Variants in GSK3B observed in about 807,000 individuals in gnomAD.
GSK3B encodes glycogen synthase kinase 3 beta.
Under a neutral mutation model 56.4 loss-of-function variants are expected in GSK3B, and 15 were observed. The ratio of observed to expected loss-of-function variants is 0.27; its 90% CI spans 0.18 to 0.41. GSK3B has a LOEUF of 0.41. Among genes scored for constraint, GSK3B ranks in the 10% least tolerant of loss-of-function variants. The pLI is 1.00. For missense variants in GSK3B, 300 were observed against 513.4 expected, an observed-to-expected ratio of 0.58 and a Z score of 4.02; for synonymous variants, 181 against 188.9, an observed-to-expected ratio of 0.96 and a Z score of 0.34.
chr3:119,883,098 G>A (rs1201312781), intron 7 of GSK3B, among the ~76,000 whole-genome samples: 2 of 152,118 alleles, frequency 1.3e-5, no homozygotes, highest in Non-Finnish European at 2.9e-5. Context: ...CTATTACATG[G>A]GAAACAGAGA....
At chr3:120,005,681 T>C (rs893085585) in intron 1 of GSK3B, among the ~76,000 whole-genome samples, 5 of 152,144 alleles carry the variant, frequency 3.3e-5, no homozygotes, top group Non-Finnish European at 7.3e-5. Flanking sequence ...AAACTAAGCT[T>C]CATAAGTGAA....
chr3:119,945,289 G>A (rs965415240), intron 3 of GSK3B, among the ~76,000 whole-genome samples: 1 of 152,012 alleles, frequency 6.6e-6, no homozygotes, highest in Admixed American at 6.6e-5. Flanking sequence ...CCAAAATTAG[G>A]AGGTATCTTT....
rs2055509431 is a variant in GSK3B at position 119,826,542 on chromosome 3, TC to T, written c.*245del. On this transcript the variant is annotated 3_prime_UTR_variant, in exon 11 of 11. Transcript: ENST00000264235. ...GATTGTATGTTCTAGTGCTCCGCTTTCCCCCTCCCCACAACCCCTCCCACCC... is the reference window on the plus strand; with the variant it reads ...GATTGTATGTTCTAGTGCTCCGCTTTCCCCTCCCCACAACCCCTCCCACCC... 3.3e-6 allele frequency: 2 copies of T among 601,398 alleles called. No individual in the cohort carries two copies. The highest frequency in any genetic ancestry group is 2.4e-5 in the Admixed American group (1 of 41,462). 37.3% of individuals were successfully genotyped at this position (601,398 alleles called of 1,614,324 possible).
intron 7 of GSK3B, among the ~76,000 whole-genome samples, chr3:119,885,105 C>T (rs2056421129): frequency 1.3e-5 from 2 of 151,896 alleles, no homozygotes; most frequent in African/African-American, 4.8e-5. Context: ...ACAAAGGTTC[C>T]TGCCAAAAGG....
intron 1 of GSK3B, among the ~76,000 whole-genome samples, chr3:120,027,526 CA>C (rs2057938649): frequency 6.6e-6 from 1 of 151,936 alleles, no homozygotes; most frequent in African/African-American, 2.4e-5. Context: ...CATTATTTAC[CA>C]TATCAATAAA....
chr3:119,912,532 A>G (rs2056744969), intron 6 of GSK3B, among the ~76,000 whole-genome samples, 172 bp downstream of exon 6: 1 of 152,090 alleles, frequency 6.6e-6, no homozygotes, highest in South Asian at 2.1e-4. Flanking sequence ...CCTGGAAAGT[A>G]TAATAAAATG....
intron 3 of GSK3B, among the ~76,000 whole-genome samples, chr3:119,931,789 T>G (rs915585557): frequency 6.6e-6 from 1 of 152,122 alleles, no homozygotes; most frequent in Non-Finnish European, 1.5e-5. Flanking sequence ...CAGAAGTCCT[T>G]TGAAAGGAAT....
intron 1 of GSK3B, among the ~76,000 whole-genome samples, chr3:120,080,121 T>C (rs569036510): frequency 6.6e-6 from 1 of 152,052 alleles, no homozygotes; most frequent in South Asian, 2.1e-4. Context: ...CAAAATCTCG[T>C]CTCTACAAAA....
intron 7 of GSK3B, among the ~76,000 whole-genome samples, chr3:119,889,141 T>C (rs1256520265): frequency 6.6e-6 from 1 of 152,104 alleles, no homozygotes; most frequent in East Asian, 1.9e-4. Flanking sequence ...CTCCCTGTTC[T>C]TGCATCCCCT....
intron 2 of GSK3B, among the ~76,000 whole-genome samples, chr3:119,973,841 G>C (rs149915719): frequency 2.6e-3 from 396 of 152,116 alleles, no homozygotes; most frequent in African/African-American, 8.5e-3. Context: ...CATCCACTGG[G>C]GGTCTTGGAA....
chr3:119,842,603 C>A (rs1390342080), intron 10 of GSK3B, among the ~76,000 whole-genome samples: 1 of 152,064 alleles, frequency 6.6e-6, no homozygotes, highest in Non-Finnish European at 1.5e-5. Context: ...TATGTAAAAA[C>A]CGTAACTTCA....
chr3:119,936,225 CT>C lies in GSK3B; in HGVS notation c.366+11042del, dbSNP rs1279859987. ...AGTAAGCATTTATCTGCATTTATCTCTTCTGTACTAGAGACTCTAGCCAGAA... is the reference window on the plus strand; with the variant it reads ...AGTAAGCATTTATCTGCATTTATCTCTCTGTACTAGAGACTCTAGCCAGAA... On this transcript the variant is annotated intron_variant, in intron 3 of 10. Transcript: ENST00000264235. Among the ~76,000 whole-genome samples the C allele has an allele frequency of 4.6e-5, 7 of 150,784 alleles. No homozygotes were observed. The East Asian group carries it at 1.4e-3, about 29-fold the overall frequency.
chr3:120,054,216 T>A (rs187909860), intron 1 of GSK3B, among the ~76,000 whole-genome samples: 1 of 152,294 alleles, frequency 6.6e-6, no homozygotes, highest in East Asian at 1.9e-4. Flanking sequence ...CTTAGTTCAA[T>A]CTCTCATTCC....
chr3:120,041,935 A>G (rs1306647082), intron 1 of GSK3B, among the ~76,000 whole-genome samples: 1 of 152,256 alleles, frequency 6.6e-6, no homozygotes, highest in East Asian at 1.9e-4. Flanking sequence ...AACCAGGAGG[A>G]ACCATCTATA....
intron 1 of GSK3B, among the ~76,000 whole-genome samples, chr3:120,068,967 A>G (rs2058304251): frequency 6.6e-6 from 1 of 152,156 alleles, no homozygotes; most frequent in Non-Finnish European, 1.5e-5. Flanking sequence ...AAATTACTCC[A>G]TTCTGCTGAA....
intron 9 of GSK3B, among the ~76,000 whole-genome samples, chr3:119,857,232 C>T (rs2056035536): frequency 6.6e-6 from 1 of 152,102 alleles, no homozygotes; most frequent in African/African-American, 2.4e-5. Context: ...ACAAAACAAC[C>T]ATGAAGTTTG....
At chr3:119,928,901 C>T (rs927613922) in intron 3 of GSK3B, among the ~76,000 whole-genome samples, 6 of 152,078 alleles carry the variant, frequency 3.9e-5, no homozygotes, top group African/African-American at 1.4e-4. Flanking sequence ...AAGAAATCAT[C>T]AATGTGAAAT....
chr3:120,001,920 G>T, intron 2 of GSK3B, 126 bp downstream of exon 2: 1 of 552,604 alleles, frequency 1.8e-6, no homozygotes, highest in South Asian at 3.3e-5. Context: ...CACTACAATG[G>T]TTGAGCTGAA....
At chr3:119,875,998 AT>A (rs1335617879) in intron 8 of GSK3B, among the ~76,000 whole-genome samples, 1 of 152,190 alleles carries the variant, frequency 6.6e-6, no homozygotes, top group African/African-American at 2.4e-5. Context: ...ACAAAATGCC[AT>A]CTATAATAAG....
Sources: gnomAD v4.1 joint callset for allele counts (sites outside exome capture counted in the v4.1 genomes callset) on GRCh38, gnomAD v4.1.1 for gene constraint, MANE v1.5 for transcripts, NCBI Gene and HGNC (gene_info 2026-07-23, HGNC 2026-07-21) for gene names.